PTPRN2: variants seen among roughly 807,000 people sequenced by gnomAD.
The protein encoded by PTPRN2 is protein tyrosine phosphatase receptor type N2, also known as receptor-type tyrosine-protein phosphatase N2.
In PTPRN2, 74 loss-of-function variants were observed where a neutral mutation model predicts 118.8. The observed-to-expected ratio is 0.62, with a 90% CI of 0.52 to 0.76. The LOEUF (loss-of-function observed/expected upper bound fraction) is 0.76, where lower values mean the gene tolerates loss of function less well. PTPRN2 is among the 30% of genes least tolerant of loss of function. The pLI, the probability that PTPRN2 is intolerant of heterozygous loss-of-function variation, is 0.00. For missense variants in PTPRN2, 1,481 were observed against 1,394.4 expected, an observed-to-expected ratio of 1.06 and a Z score of -0.99; for synonymous variants, 641 against 608.0, an observed-to-expected ratio of 1.05 and a Z score of -0.80.
At chr7:158,334,711 TGCAGACG>T in intron 2 of PTPRN2, among the ~76,000 whole-genome samples, 1 of 12,648 alleles carries the variant, frequency 7.9e-5, no homozygotes, top group East Asian at 2.0e-3. Context: ...AGGTGACACC[TGCAGACG>T]TCACACCCAC....
chr7:157,990,019 G>A lies in PTPRN2; in HGVS notation c.1723+91279C>T, dbSNP rs1804122437. Reference sequence around the variant, plus strand: ...TGTCCCTTCTTTGACAGTAAAAGTTGTTTTCTTGGAAATAAATCAAATTTG... The same window carrying A: ...TGTCCCTTCTTTGACAGTAAAAGTTATTTTCTTGGAAATAAATCAAATTTG... On this transcript the variant is annotated intron_variant, in intron 11 of 22. Transcript: ENST00000389418. The surrounding 1 kb of genome is among the most constrained non-coding windows in gnomAD (Gnocchi z 4.3). Among the ~76,000 whole-genome samples the A allele has an allele frequency of 6.6e-6, 1 of 152,046 alleles. No homozygotes were observed. The highest frequency in any genetic ancestry group is 2.1e-4 in the South Asian group (1 of 4,812).
chr7:158,424,778 C>T (rs1018808853), intron 2 of PTPRN2, among the ~76,000 whole-genome samples: 12 of 151,918 alleles, frequency 7.9e-5, no homozygotes, highest in Non-Finnish European at 1.2e-4. Flanking sequence ...TAACCATCAG[C>T]TTAATCTCCC....
chr7:157,856,569 T>C (rs4716793), intron 12 of PTPRN2, among the ~76,000 whole-genome samples: 21,656 of 152,270 alleles, frequency 0.14, 1,667 homozygotes, highest in South Asian at 0.32. Context: ...TGGTTTCTCC[T>C]GGCTTTATTA....
chr7:157,686,704 G>T (rs1390877721), intron 12 of PTPRN2, among the ~76,000 whole-genome samples: 1 of 152,182 alleles, frequency 6.6e-6, no homozygotes, highest in East Asian at 1.9e-4. Flanking sequence ...TTTTTGAAAA[G>T]CGGAACACCC....
chr7:158,514,189 G>T (rs957225216), intron 1 of PTPRN2, among the ~76,000 whole-genome samples: 1 of 152,186 alleles, frequency 6.6e-6, no homozygotes, highest in African/African-American at 2.4e-5. Flanking sequence ...GTCTGCTGAG[G>T]ATGGTCTTAC....
At chr7:157,679,613 T>G (rs1796823936) in intron 13 of PTPRN2, among the ~76,000 whole-genome samples, 1 of 152,158 alleles carries the variant, frequency 6.6e-6, no homozygotes. Context: ...CCTTACTGCT[T>G]CAAAACTATT....
chr7:157,635,001 C>G (rs1186843765), intron 14 of PTPRN2, among the ~76,000 whole-genome samples: 3 of 152,172 alleles, frequency 2.0e-5, no homozygotes, highest in Non-Finnish European at 4.4e-5. Flanking sequence ...GACGTTAAGT[C>G]CAGAACACAC....
At chr7:157,908,418 G>A (rs1185396116) in intron 11 of PTPRN2, among the ~76,000 whole-genome samples, 3 of 152,228 alleles carry the variant, frequency 2.0e-5, no homozygotes, top group Non-Finnish European at 2.9e-5. Flanking sequence ...ATTAATGAAC[G>A]TGTCAAATCC....
chr7:158,406,623 A>G (rs1338594400), intron 2 of PTPRN2, among the ~76,000 whole-genome samples: 1 of 152,184 alleles, frequency 6.6e-6, no homozygotes, highest in African/African-American at 2.4e-5. Flanking sequence ...CGCGGACCTG[A>G]GTCCTGCTGC....
intron 11 of PTPRN2, among the ~76,000 whole-genome samples, chr7:158,049,040 TC>T (rs372229570): frequency 0.93 from 56 of 60 alleles, 26 homozygotes; most frequent in South Asian, 1. Flanking sequence ...ACCAACACCA[TC>T]ATCACCCTCA....
intron 14 of PTPRN2, 82 bp from the exon 15 acceptor site, chr7:157,621,591 T>C (rs71538031): frequency 0.098 from 152,417 of 1,559,966 alleles, 8,781 homozygotes; most frequent in African/African-American, 0.24. Flanking sequence ...CGGAGGCCTT[T>C]GCACTCGCCG....
chr7:158,034,115 G>A (rs558815007), intron 11 of PTPRN2, among the ~76,000 whole-genome samples: 23 of 151,056 alleles, frequency 1.5e-4, no homozygotes, highest in Non-Finnish European at 2.5e-4. Context: ...AATGCTCTGC[G>A]TGTGGCTGGC....
At position 158,569,349 on chromosome 7, in the gene PTPRN2, T is replaced by C. The variant is rs568626566; in HGVS notation, c.112+18209A>G. Among the ~76,000 whole-genome samples, 45 of 152,290 alleles carry C rather than the reference T, an allele frequency of 3.0e-4. 1 individual carries two copies. In the East Asian group the frequency reaches 8.3e-3, roughly 28 times the overall value. ...TTTGGACTTAATTCCCAGAACTCAA[T>C]CACCACTGAGCGACCTCGAAAAAGA... On this transcript the variant is annotated intron_variant, in intron 1 of 22. Transcript: ENST00000389418.
In PTPRN2 at chr7:158,204,633, C is replaced by T. The variant is rs75199490; in HGVS notation, c.380+538G>A. The stretch of plus-strand genomic sequence containing the variant: ...TGTCTTTAGACTAATTTTTTAACCT[C>T]CCTATGACTCAATTTCCTCACTTTC... On this transcript the variant is annotated intron_variant, in intron 4 of 22. Coordinates refer to ENST00000389418, the MANE Select transcript of PTPRN2 (RefSeq NM_002847.5). 2.6e-3 allele frequency among the ~76,000 whole-genome samples: 398 copies of T among 152,258 alleles called. 14 individuals are homozygous for T. The East Asian group carries it at 0.068, about 26-fold the overall frequency.
intron 11 of PTPRN2, among the ~76,000 whole-genome samples, chr7:157,981,834 T>C (rs569400568): frequency 6.6e-6 from 1 of 152,404 alleles, no homozygotes; most frequent in East Asian, 1.9e-4. Context: ...CAGCCCATTC[T>C]TCAAGGGCTT....
In PTPRN2 at chr7:157,566,429, C is replaced by T. The variant is rs1355632693; in HGVS notation, c.2902+2473G>A. On this transcript the variant is annotated intron_variant, in intron 21 of 22. Transcript: ENST00000389418. ...CTGCACCAGAACAAAACCCCAGCGCCTCTCAGTGTGGAGGCCTGGGAAAGG... is the reference window on the plus strand; with the variant it reads ...CTGCACCAGAACAAAACCCCAGCGCTTCTCAGTGTGGAGGCCTGGGAAAGG... Among the ~76,000 whole-genome samples the T allele has an allele frequency of 3.9e-5, 6 of 152,338 alleles. No individual in the cohort carries two copies. The South Asian group carries it at 6.2e-4, about 16-fold the overall frequency.
At chr7:158,165,822 T>C (rs2335840) in intron 6 of PTPRN2, among the ~76,000 whole-genome samples, 134,864 of 152,194 alleles carry the variant, frequency 0.89, 60,011 homozygotes, top group African/African-American at 0.96. Flanking sequence ...CGCAAACGCC[T>C]TTCTCCCCTG....
intron 1 of PTPRN2, among the ~76,000 whole-genome samples, chr7:158,552,349 G>T (rs899713561): frequency 6.6e-6 from 1 of 152,252 alleles, no homozygotes; most frequent in Admixed American, 6.5e-5. Context: ...CATTTGGGGG[G>T]CCCCAGCTCC....
At chr7:157,675,394 C>A (rs1190990705) in intron 13 of PTPRN2, among the ~76,000 whole-genome samples, 1 of 152,210 alleles carries the variant, frequency 6.6e-6, no homozygotes, top group Non-Finnish European at 1.5e-5. Context: ...GGGCCCCGGA[C>A]CACACAGGGG....
Sources: gnomAD v4.1 joint callset for allele counts (sites outside exome capture counted in the v4.1 genomes callset) on GRCh38, gnomAD v4.1.1 for gene constraint, Gnocchi (gnomAD v3.1) non-coding constraint, MANE v1.5 for transcripts, NCBI Gene and HGNC (gene_info 2026-07-23, HGNC 2026-07-21) for gene names.